MYT1L: variants seen among roughly 807,000 people sequenced by gnomAD.
MYT1L encodes the protein myelin transcription factor 1-like protein.
Under a neutral mutation model 126.7 loss-of-function variants are expected in MYT1L, and 12 were observed. That is an observed-to-expected ratio of 0.09 (90% confidence interval 0.06 to 0.15). The LOEUF (loss-of-function observed/expected upper bound fraction) is 0.15. Ranked by LOEUF, MYT1L falls within the 10% of genes least tolerant of loss-of-function variation. The probability of loss-of-function intolerance (pLI) is 1.00; values close to 1 mark genes in which losing one functional copy is unlikely to be tolerated. For synonymous variants in MYT1L, 541 were observed against 604.2 expected, an observed-to-expected ratio of 0.90 and a Z score of 1.53; for missense variants, 979 against 1,585.2, an observed-to-expected ratio of 0.62 and a Z score of 6.49.
At chr2:1,945,767 T>C (rs912928318) in intron 8 of MYT1L, among the ~76,000 whole-genome samples, 8 of 152,206 alleles carry the variant, frequency 5.3e-5, no homozygotes, top group African/African-American at 1.9e-4. Flanking sequence ...CAAGAAACTT[T>C]TGCTATTTTT....
intron 1 of MYT1L, among the ~76,000 whole-genome samples, chr2:2,328,372 A>C (rs1054747159): frequency 1.3e-5 from 2 of 152,270 alleles, no homozygotes; most frequent in Non-Finnish European, 2.9e-5. Flanking sequence ...CAGTGAAAAC[A>C]GCATATTAAA....
At chr2:1,882,656 G>A (rs373321675) in intron 18 of MYT1L, among the ~76,000 whole-genome samples, 16 of 152,146 alleles carry the variant, frequency 1.1e-4, no homozygotes, top group Non-Finnish European at 1.8e-4. Context: ...AAAGATTACC[G>A]AAATGAGGAT....
chr2:1,805,628 G>C (rs1377336090), intron 22 of MYT1L, among the ~76,000 whole-genome samples: 1 of 152,038 alleles, frequency 6.6e-6, no homozygotes, highest in Non-Finnish European at 1.5e-5. Context: ...GCTTACACCT[G>C]TAATCCCAGC....
chr2:2,028,040 T>A (rs1202501519), intron 4 of MYT1L, among the ~76,000 whole-genome samples: 1 of 152,268 alleles, frequency 6.6e-6, no homozygotes, highest in African/African-American at 2.4e-5. Context: ...GGGGTCATAA[T>A]GCTGAGTTAC....
At position 1,924,019 on chromosome 2, in the gene MYT1L, C is replaced by T. The variant is rs184824197; in HGVS notation, c.506-756G>A. ...GCAGCAGCCAAAGGCCTATAAAAGG[C>T]GGGGTTGAGGTAAGTTGGTACAGCT... is the stretch of plus-strand genomic sequence containing the variant. On this transcript the variant is annotated intron_variant, in intron 9 of 24. Transcript: ENST00000647738. 2.8e-3 allele frequency among the ~76,000 whole-genome samples: 433 copies of T among 152,184 alleles called. 2 individuals carry two copies. The highest frequency in any genetic ancestry group is 2.8e-3 in the Non-Finnish European group (189 of 68,022).
intron 23 of MYT1L, among the ~76,000 whole-genome samples, chr2:1,796,499 A>T (rs1446049162): frequency 6.6e-6 from 1 of 152,182 alleles, no homozygotes; most frequent in East Asian, 1.9e-4. Context: ...CTGACCTGCC[A>T]ATCTTAGAAG....
rs150724766 is a variant in MYT1L at position 1,891,160 on chromosome 2, A to G, written c.2283+877T>C. On this transcript the variant is annotated intron_variant, in intron 15 of 24. Coordinates refer to ENST00000647738, the MANE Select transcript of MYT1L (RefSeq NM_001303052.2). ...GAAAAAAACATTTGCAAAACGTAAG[A>G]TTACTGACCTTTCTTCATTCATACC... Among the ~76,000 whole-genome samples the G allele has an allele frequency of 3.6e-3, 546 of 152,338 alleles. 4 individuals carry two copies. Among genetic ancestry groups the G allele is most frequent in the African/African-American group, 0.012 (504 of 41,576 alleles).
intron 9 of MYT1L, among the ~76,000 whole-genome samples, chr2:1,938,089 G>T (rs1158093114): frequency 6.6e-6 from 1 of 152,218 alleles, no homozygotes; most frequent in Non-Finnish European, 1.5e-5. Flanking sequence ...AAAGGCAGCT[G>T]CACACACGCA....
intron 3 of MYT1L, among the ~76,000 whole-genome samples, chr2:2,164,848 AAC>A (rs1361439059): frequency 1.3e-5 from 2 of 152,214 alleles, no homozygotes; most frequent in African/African-American, 2.4e-5. Flanking sequence ...CAAGTTTCCA[AAC>A]ACAGTGTCCT....
Position 1,943,016 on chromosome 2 carries a change from C to CTCCTCT in MYT1L, c.465_470dup (p.Glu166_Glu167dup), listed in dbSNP as rs751219869. On this transcript the variant is annotated inframe_insertion, in exon 9 of 25. Transcript: ENST00000647738. This position sits in a 1 kb window ranked among gnomAD's most constrained non-coding sequence, Gnocchi z 4.4. ...CTTCCTCTTCCTCCTCCTCCTCCTC[C>CTCCTCT]TCCTCTTCCTCTTCTTCATCCTCCA... The CTCCTCT allele has an allele frequency of 1.3e-6, 2 of 1,498,642 alleles. No homozygotes were observed. Among genetic ancestry groups the CTCCTCT allele is most frequent in the Admixed American group, 4.0e-5 (2 of 50,300 alleles). 92.8% of individuals were successfully genotyped at this position (1,498,642 alleles called of 1,614,324 possible).
At chr2:2,166,758 T>C (rs1270983277) in intron 3 of MYT1L, among the ~76,000 whole-genome samples, 4 of 152,202 alleles carry the variant, frequency 2.6e-5, no homozygotes. Flanking sequence ...TGAAAACATT[T>C]CCCCTCAACC....
chr2:1,794,434 T>C (rs2032968807), intron 23 of MYT1L, among the ~76,000 whole-genome samples: 2 of 152,202 alleles, frequency 1.3e-5, no homozygotes, highest in African/African-American at 2.4e-5. Flanking sequence ...AGCTGTGCAG[T>C]GTGTCTGCAG....
At chr2:2,268,241 G>A (rs1204567443) in intron 2 of MYT1L, among the ~76,000 whole-genome samples, 3 of 152,242 alleles carry the variant, frequency 2.0e-5, no homozygotes, top group African/African-American at 7.2e-5. Flanking sequence ...CTAATGAAAA[G>A]TATGGAAATA....
rs1011962479 is a variant in MYT1L at position 1,997,069 on chromosome 2, G to A, written c.-1+122C>T. The A allele has an allele frequency of 2.1e-5, 3 of 142,642 alleles. No homozygotes were observed. In the Admixed American group the frequency reaches 2.1e-4, roughly 10 times the overall value. 8.8% of individuals were successfully genotyped at this position (142,642 alleles called of 1,614,324 possible). On this transcript the variant is annotated intron_variant, in intron 5 of 24. Coordinates refer to ENST00000647738, the MANE Select transcript of MYT1L (RefSeq NM_001303052.2). ...GGGCTGCCTTTACCTAGTGAGTGAG[G>A]GCCGCCCTGCCTCAGTGTGGGCTGT... is the stretch of plus-strand genomic sequence containing the variant.
At position 1,791,420 on chromosome 2, in the gene MYT1L, A is replaced by G. The variant is rs1008787734; in HGVS notation, c.*447T>C. The G allele has an allele frequency of 2.6e-6, 1 of 377,512 alleles. No individual in the cohort carries two copies. Among genetic ancestry groups the G allele is most frequent in the African/African-American group, 2.1e-5 (1 of 47,200 alleles). The allele number at this position is 377,512 out of a possible 1,614,324, so 23.4% of individuals were successfully genotyped here. On this transcript the variant is annotated 3_prime_UTR_variant, in exon 25 of 25. Transcript: ENST00000647738. The surrounding 1 kb of genome is among the most constrained non-coding windows in gnomAD (Gnocchi z 6.0). ...AACATGAGGCAAAATGATAACGTCTAAAAAGCGGCTGCTCAGCCACAACAT... is the reference window on the plus strand; with the variant it reads ...AACATGAGGCAAAATGATAACGTCTGAAAAGCGGCTGCTCAGCCACAACAT...
chr2:2,276,344 G>C (rs991429317), intron 2 of MYT1L, among the ~76,000 whole-genome samples: 1 of 152,070 alleles, frequency 6.6e-6, no homozygotes, highest in African/African-American at 2.4e-5. Context: ...GCTTGTTACG[G>C]GATATTGAAG....
At chr2:2,092,841 T>C (rs1324009584) in intron 3 of MYT1L, among the ~76,000 whole-genome samples, 3 of 152,184 alleles carry the variant, frequency 2.0e-5, no homozygotes, top group East Asian at 3.9e-4. Context: ...CACAGAGCAG[T>C]AACCAGACCT....
At position 1,811,752 on chromosome 2, in the gene MYT1L, G is replaced by A. The variant is rs1195523079; in HGVS notation, c.3081-2585C>T. Among the ~76,000 whole-genome samples the A allele has an allele frequency of 7.9e-5, 12 of 152,116 alleles. No individual in the cohort carries two copies. Among genetic ancestry groups the A allele is most frequent in the African/African-American group, 1.7e-4 (7 of 41,422 alleles). ...TGTGGGGCGTGAACGAACCCCTCGC[G>A]TTCCGGAGGGAACAGGCTCCTCTTC... On this transcript the variant is annotated intron_variant, in intron 21 of 24. Transcript: ENST00000647738. The surrounding 1 kb of genome is among the most constrained non-coding windows in gnomAD (Gnocchi z 4.4).
At chr2:1,951,046 CG>C (rs2057704179) in intron 8 of MYT1L, among the ~76,000 whole-genome samples, 1 of 152,012 alleles carries the variant, frequency 6.6e-6, no homozygotes, top group African/African-American at 2.4e-5. Context: ...ACGGAAGACA[CG>C]GGAGACTCAG....
Sources: allele counts gnomAD v4.1 joint callset (sites outside exome capture counted in the v4.1 genomes callset), GRCh38; gene constraint gnomAD v4.1.1; non-coding constraint Gnocchi (gnomAD v3.1); transcripts MANE v1.5; gene names NCBI Gene and HGNC (gene_info 2026-07-23, HGNC 2026-07-21).